Variants in KIAA1328 observed in about 807,000 individuals in gnomAD.
KIAA1328 encodes KIAA1328.
A neutral mutation model predicts 68.1 loss-of-function variants in KIAA1328; 52 were observed. The observed-to-expected ratio is 0.76, with a 90% confidence interval of 0.61 to 0.96. The LOEUF (loss-of-function observed/expected upper bound fraction) is 0.96, where lower values mean the gene tolerates loss of function less well. KIAA1328 is among the 40% of genes least tolerant of loss of function. KIAA1328 has a pLI of 0.00. For synonymous variants in KIAA1328, 232 were observed against 239.4 expected (o/e 0.97, Z 0.28); for missense variants, 641 against 677.6 (o/e 0.95, Z 0.60).
chr18:37,014,063 A>G (rs897118955), intron 6 of KIAA1328, among the ~76,000 whole-genome samples: 4 of 152,062 alleles, frequency 2.6e-5, no homozygotes, highest in Non-Finnish European at 4.4e-5. Flanking sequence ...ATGGTATCTC[A>G]TTGTGGTTTT....
At chr18:37,090,645 A>G (rs940355529) in intron 7 of KIAA1328, among the ~76,000 whole-genome samples, 1 of 152,244 alleles carries the variant, frequency 6.6e-6, no homozygotes, top group Non-Finnish European at 1.5e-5. Flanking sequence ...ACTTGGAAGC[A>G]CTTGCCAGAG....
intron 6 of KIAA1328, among the ~76,000 whole-genome samples, chr18:37,045,577 A>G (rs1051308374): frequency 1.3e-5 from 2 of 151,950 alleles, no homozygotes; most frequent in Admixed American, 6.6e-5. Context: ...TTGAAGTTAT[A>G]TCAGTCATAA....
intron 5 of KIAA1328, among the ~76,000 whole-genome samples, chr18:36,948,261 G>GTTTTTT (rs1167822236): frequency 1.6e-4 from 18 of 115,766 alleles, no homozygotes; most frequent in South Asian, 2.9e-4. Flanking sequence ...TTTGTCTTTT[G>GTTTTTT]TTTTTTTTTT....
intron 7 of KIAA1328, among the ~76,000 whole-genome samples, chr18:37,132,295 A>G (rs889622990): frequency 1.3e-5 from 2 of 152,182 alleles, no homozygotes; most frequent in Non-Finnish European, 2.9e-5. Flanking sequence ...ATGTTACTTT[A>G]TCAGCTTGAT....
At chr18:36,998,119 G>A (rs2053460456) in intron 6 of KIAA1328, among the ~76,000 whole-genome samples, 1 of 152,112 alleles carries the variant, frequency 6.6e-6, no homozygotes, top group Non-Finnish European at 1.5e-5. Context: ...CTGAGTATAA[G>A]CCCACCCAGC....
chr18:37,124,215 A>T (rs369276417), intron 7 of KIAA1328, among the ~76,000 whole-genome samples: 1 of 152,188 alleles, frequency 6.6e-6, no homozygotes, highest in Non-Finnish European at 1.5e-5. Context: ...ATAAAAAGAG[A>T]TGTTTGGAAA....
At position 36,844,296 on chromosome 18, in the gene KIAA1328, T is replaced by C. The variant is rs1446345713; in HGVS notation, c.326T>C (p.Leu109Pro). The change falls in exon 4 of 10, where the codon CTG (leucine) becomes CCG (proline). Residue 109 changes from leucine to proline, a missense_variant. Physicochemically the swap from Leu to Pro is moderately conservative, Grantham distance 98. Coordinates refer to ENST00000280020, the MANE Select transcript of KIAA1328 (RefSeq NM_020776.3). ...CGCATTGCAAACTTAATTAAAGAAC[T>C]GGCCAGGTGAGATAAAACCTTATAT... ...KRRIANLIKE[L>P]ARVSEEKEVT... 6.3e-7 allele frequency: 1 copy of C among 1,589,712 alleles called. No homozygotes were observed. The highest frequency in any genetic ancestry group is 8.6e-7 in the Non-Finnish European group (1 of 1,167,230).
chr18:36,883,841 G>A (rs1037064283), intron 4 of KIAA1328, among the ~76,000 whole-genome samples: 2 of 151,704 alleles, frequency 1.3e-5, no homozygotes, highest in African/African-American at 4.8e-5. Context: ...TTATTACTCT[G>A]TCATCCTATT....
chr18:37,175,124 T>G (rs532865716), intron 9 of KIAA1328, among the ~76,000 whole-genome samples: 1 of 152,316 alleles, frequency 6.6e-6, no homozygotes, highest in Admixed American at 6.5e-5. Flanking sequence ...TAGCTCACCT[T>G]GAGGGATTCA....
At chr18:37,037,222 G>A (rs183765147) in intron 6 of KIAA1328, among the ~76,000 whole-genome samples, 1 of 152,162 alleles carries the variant, frequency 6.6e-6, no homozygotes, top group Admixed American at 6.5e-5. Context: ...GACTCTAAAA[G>A]GCCCATCTGA....
intron 6 of KIAA1328, among the ~76,000 whole-genome samples, chr18:37,022,404 G>A (rs1337603451): frequency 1.3e-5 from 2 of 152,094 alleles, no homozygotes; most frequent in African/African-American, 4.8e-5. Context: ...TTAGAATTAT[G>A]GCTTTAAAAG....
At chr18:37,068,091 A>G (rs2056408209) in intron 7 of KIAA1328, among the ~76,000 whole-genome samples, 1 of 152,160 alleles carries the variant, frequency 6.6e-6, no homozygotes. Context: ...AGTCTGGTGT[A>G]ATTTTTGCTG....
intron 7 of KIAA1328, among the ~76,000 whole-genome samples, chr18:37,151,416 C>T (rs184719565): frequency 9.3e-4 from 142 of 152,242 alleles, no homozygotes; most frequent in Non-Finnish European, 1.4e-3. Flanking sequence ...TAGAAGTTGG[C>T]AAACTTATTC....
intron 6 of KIAA1328, among the ~76,000 whole-genome samples, chr18:36,985,200 T>A (rs2052866111): frequency 6.6e-6 from 1 of 152,010 alleles, no homozygotes. Flanking sequence ...CTTGGGAGGC[T>A]GAGGCAGGAG....
chr18:37,058,831 T>C (rs2056031584), intron 6 of KIAA1328, among the ~76,000 whole-genome samples: 1 of 152,074 alleles, frequency 6.6e-6, no homozygotes, highest in Admixed American at 6.5e-5. Context: ...GTCAGAATAG[T>C]CATTCCCTTT....
At chr18:37,013,986 C>G (rs1489503593) in intron 6 of KIAA1328, among the ~76,000 whole-genome samples, 1 of 152,230 alleles carries the variant, frequency 6.6e-6, no homozygotes, top group Admixed American at 6.5e-5. Flanking sequence ...GTCCTTTTCT[C>G]CGCATCCTCG....
chr18:37,162,905 A>G (rs563128877), intron 8 of KIAA1328, among the ~76,000 whole-genome samples: 87 of 152,016 alleles, frequency 5.7e-4, no homozygotes, highest in Non-Finnish European at 8.1e-4. Context: ...AAAAGACCAG[A>G]CTATTGTCTC....
At chr18:37,055,338 A>G (rs948398265) in intron 6 of KIAA1328, among the ~76,000 whole-genome samples, 2 of 152,244 alleles carry the variant, frequency 1.3e-5, no homozygotes, top group African/African-American at 4.8e-5. Flanking sequence ...TTTCTTATAA[A>G]TAATTCATGA....
intron 3 of KIAA1328, 95 bp from the exon 4 acceptor site, chr18:36,844,113 A>G (rs1333471359): frequency 5.5e-6 from 4 of 724,878 alleles, no homozygotes; most frequent in Non-Finnish European, 6.8e-6. Flanking sequence ...ACCAGAGAAA[A>G]GATATCTAAG....
Sources: allele counts gnomAD v4.1 joint callset (sites outside exome capture counted in the v4.1 genomes callset), GRCh38; gene constraint gnomAD v4.1.1; transcripts MANE v1.5; gene names NCBI Gene and HGNC (gene_info 2026-07-23, HGNC 2026-07-21).